The following NLRP1 variants were observed in gnomAD, a reference collection of about 807,000 sequenced individuals.
The protein encoded by NLRP1 is NACHT, LRR and PYD domains-containing protein 1.
A neutral mutation model predicts 136.7 loss-of-function variants in NLRP1; 94 were observed. The observed-to-expected ratio is 0.69, with a 90% CI of 0.58 to 0.82. The LOEUF (loss-of-function observed/expected upper bound fraction) is 0.82. Among genes scored for constraint, NLRP1 ranks in the 40% least tolerant of loss-of-function variants. The probability of loss-of-function intolerance (pLI) is 0.00; values close to 1 mark genes in which losing one functional copy is unlikely to be tolerated. For missense variants in NLRP1, 1,575 were observed against 1,802.7 expected (o/e 0.87, Z 2.29); for synonymous variants, 690 against 725.1 (o/e 0.95, Z 0.78).
intron 15 of NLRP1, among the ~76,000 whole-genome samples, chr17:5,516,902 T>C (rs935625554): frequency 2.0e-5 from 3 of 152,166 alleles, no homozygotes; most frequent in African/African-American, 4.8e-5. Flanking sequence ...GGGATGGTTG[T>C]CCTAGAAGGA....
intron 3 of NLRP1, among the ~76,000 whole-genome samples, chr17:5,574,173 T>C (rs573220074): frequency 2.0e-5 from 3 of 152,294 alleles, no homozygotes; most frequent in Non-Finnish European, 4.4e-5. Flanking sequence ...CAAGCTTCAG[T>C]AGCCAATTCG....
At chr17:5,519,822 G>A (rs1323236294) in intron 14 of NLRP1, among the ~76,000 whole-genome samples, 2 of 149,908 alleles carry the variant, frequency 1.3e-5, no homozygotes, top group Admixed American at 6.7e-5. Context: ...AGCAGCCAGA[G>A]GCATCTTTAT....
In NLRP1 at chr17:5,539,600, C is replaced by T. The variant is rs1485295324; in HGVS notation, c.2700-15G>A. ...AGCTGACCAGCCTGCAGGAAAGATACACGCCAGCCCAGGTCATTGTCCTAA... is the reference window on the plus strand; with the variant it reads ...AGCTGACCAGCCTGCAGGAAAGATATACGCCAGCCCAGGTCATTGTCCTAA... On this transcript the variant is annotated splice_polypyrimidine_tract_variant and intron_variant, in intron 6 of 16. Transcript: ENST00000572272. The T allele has an allele frequency of 1.0e-5, 16 of 1,594,140 alleles. No homozygotes were observed. The Admixed American group carries it at 2.3e-4, about 23-fold the overall frequency.
intron 16 of NLRP1, 67 bp downstream of exon 16, chr17:5,515,406 C>A: frequency 1.5e-6 from 2 of 1,316,340 alleles, no homozygotes; most frequent in Non-Finnish European, 2.2e-6. Context: ...CTCTTCCCTT[C>A]CCCCAGAACC....
At chr17:5,540,147 CAA>C (rs1391201716) in intron 6 of NLRP1, among the ~76,000 whole-genome samples, 4 of 152,192 alleles carry the variant, frequency 2.6e-5, no homozygotes, top group Non-Finnish European at 4.4e-5. Flanking sequence ...ACACTGGAGA[CAA>C]TCTGGCTGCT....
chr17:5,501,941 G>A (rs1253302429), intron 15 of NLRP1: 3 of 1,403,090 alleles, frequency 2.1e-6, no homozygotes, highest in African/African-American at 1.4e-5. Flanking sequence ...TCCACTGGCC[G>A]GCTTTGTTAG....
At chr17:5,515,113 C>T (rs753538325) in intron 16 of NLRP1, 40 bp from the exon 17 acceptor site, 4 of 1,558,552 alleles carry the variant, frequency 2.6e-6, no homozygotes, top group South Asian at 1.1e-5. Context: ...ACAGCCTCCA[C>T]CTCCAATCCC....
intron 7 of NLRP1, 23 bp downstream of exon 7, chr17:5,539,392 A>C: frequency 6.2e-7 from 1 of 1,600,984 alleles, no homozygotes; most frequent in Non-Finnish European, 8.5e-7. Context: ...CCCTCTGCCC[A>C]GAAGGGACCC....
intron 3 of NLRP1, among the ~76,000 whole-genome samples, chr17:5,569,998 C>A (rs1447860001): frequency 6.6e-6 from 1 of 152,068 alleles, no homozygotes; most frequent in Non-Finnish European, 1.5e-5. Context: ...AATTAAACAA[C>A]CTGCTCCTGA....
chr17:5,570,639 C>T (rs1329830042), intron 3 of NLRP1, among the ~76,000 whole-genome samples: 2 of 152,020 alleles, frequency 1.3e-5, no homozygotes, highest in Non-Finnish European at 2.9e-5. Context: ...CAGAGAGATT[C>T]ACAGCTGAAT....
intron 12 of NLRP1, among the ~76,000 whole-genome samples, chr17:5,522,640 A>G (rs1909043375): frequency 2.0e-5 from 3 of 152,198 alleles, no homozygotes; most frequent in Admixed American, 2.0e-4. Flanking sequence ...GCTGTGGGAA[A>G]TTGTGCCACC....
intron 2 of NLRP1, among the ~76,000 whole-genome samples, chr17:5,582,377 C>T (rs540890776): frequency 7.2e-5 from 11 of 152,168 alleles, no homozygotes; most frequent in South Asian, 2.1e-4. Flanking sequence ...GCTGAGTTCT[C>T]GGGCAAGGAC....
intron 11 of NLRP1, 134 bp from the exon 12 acceptor site, chr17:5,530,838 G>T: frequency 1.5e-6 from 1 of 660,442 alleles, no homozygotes. Context: ...AGATGGACTT[G>T]CATTTTAGTC....
chr17:5,512,021 A>G (rs371315399), downstream of NLRP1: 799 of 594,244 alleles, frequency 1.3e-3, 16 homozygotes, highest in South Asian at 0.014. Context: ...GTGGTAACTA[A>G]TGACAGTACT....
At chr17:5,530,747 A>C in intron 11 of NLRP1, 43 bp from the exon 12 acceptor site, 21 of 1,492,388 alleles carry the variant, frequency 1.4e-5, no homozygotes, top group Non-Finnish European at 2.0e-5. Flanking sequence ...GCACGAACTC[A>C]CTGAGCACCT....
At chr17:5,568,941 T>C (rs1915599302) in intron 3 of NLRP1, among the ~76,000 whole-genome samples, 4 of 151,894 alleles carry the variant, frequency 2.6e-5, no homozygotes, top group Admixed American at 2.0e-4. Flanking sequence ...ACCTTTAACC[T>C]CATTAGAAAG....
At chr17:5,506,755 A>G (rs1378814388) in intron 15 of NLRP1, among the ~76,000 whole-genome samples, 1 of 149,852 alleles carries the variant, frequency 6.7e-6, no homozygotes, top group Non-Finnish European at 1.5e-5. Flanking sequence ...AAAAAAAATT[A>G]GCTGGGCATG....
At chr17:5,507,674 A>G (rs1271080460) in intron 15 of NLRP1, among the ~76,000 whole-genome samples, 2 of 152,184 alleles carry the variant, frequency 1.3e-5, no homozygotes, top group East Asian at 3.9e-4. Context: ...GATACAAAAA[A>G]TTATCCAGGC....
In NLRP1 at chr17:5,517,750, T is replaced by C; in HGVS notation, c.4053A>G (p.Lys1351=). Reference sequence around the variant, plus strand: ...CTGGAATTGTCCTGGATTTACCTGGTTTCACCAAGGCCTCCCACACCAGAG... The same window carrying C: ...CTGGAATTGTCCTGGATTTACCTGGCTTCACCAAGGCCTCCCACACCAGAG... ...DETLVWEALV[K]PGDLMPATTL... Residue 1351 remains lysine (K), a synonymous_variant, in exon 15 of 17, where the codon AAA becomes AAG. Coordinates refer to ENST00000572272, the MANE Select transcript of NLRP1 (RefSeq NM_033004.4). 1 of 1,614,176 alleles carries C rather than the reference T, an allele frequency of 6.2e-7. No homozygotes were observed.
Sources: allele counts gnomAD v4.1 joint callset (sites outside exome capture counted in the v4.1 genomes callset), GRCh38; gene constraint gnomAD v4.1.1; transcripts MANE v1.5; gene names NCBI Gene and HGNC (gene_info 2026-07-23, HGNC 2026-07-21).